Variants in GALNTL6 observed in about 807,000 individuals in gnomAD.
GALNTL6 encodes polypeptide N-acetylgalactosaminyltransferase-like 6.
GALNTL6 carries 46 observed loss-of-function variants against 73.7 expected under a neutral mutation model. The observed-to-expected ratio is 0.62, with a 90% CI of 0.49 to 0.80. GALNTL6 has a LOEUF of 0.80. Ranked by LOEUF, GALNTL6 falls within the 30% of genes least tolerant of loss-of-function variation. The pLI is 0.00. For missense variants in GALNTL6, 604 were observed against 755.0 expected, an observed-to-expected ratio of 0.80 and a Z score of 2.34; for synonymous variants, 259 against 263.7, an observed-to-expected ratio of 0.98 and a Z score of 0.17.
At position 173,009,266 on chromosome 4, in the gene GALNTL6, G is replaced by T. The variant is rs751374219; in HGVS notation, c.1460G>T (p.Gly487Val). The T allele has an allele frequency of 1.2e-6, 2 of 1,613,630 alleles. No homozygotes were observed. Among genetic ancestry groups the T allele is most frequent in the Non-Finnish European group, 8.5e-7 (1 of 1,179,496 alleles). ...ELRLDICVKD[G>V]SERTWSHEQL... is the part of the protein sequence containing the mutation. ...AGGCTGGACATCTGTGTCAAGGATGGTTCTGAAAGAACATGGTCTCATGAA... is the reference window on the plus strand; with the variant it reads ...AGGCTGGACATCTGTGTCAAGGATGTTTCTGAAAGAACATGGTCTCATGAA... The change falls in exon 11 of 13, where the codon GGT becomes GTT. Residue 487 changes from glycine (G) to valine (V), a missense_variant. By Grantham distance (109) the Gly-to-Val change is moderately radical. Coordinates refer to ENST00000506823, the MANE Select transcript of GALNTL6 (RefSeq NM_001034845.3).
chr4:172,013,568 A>AT (rs1373975743), intron 2 of GALNTL6, among the ~76,000 whole-genome samples: 3 of 151,568 alleles, frequency 2.0e-5, no homozygotes, highest in East Asian at 1.9e-4. Context: ...TTTCTTTTTA[A>AT]TTTTTTGTGG....
In GALNTL6 at chr4:172,270,528, G is replaced by A. The variant is rs1302478915; in HGVS notation, c.247+40764G>A. Among the ~76,000 whole-genome samples, 4 of 152,114 alleles carry A rather than the reference G, an allele frequency of 2.6e-5. No individual in the cohort carries two copies. The East Asian group carries it at 7.7e-4, about 29-fold the overall frequency. On this transcript the variant is annotated intron_variant, in intron 3 of 12. Coordinates refer to ENST00000506823, the MANE Select transcript of GALNTL6 (RefSeq NM_001034845.3). ...ATGGCTACAGACTGTACCATACAGT[G>A]CATGCAGGCATGCACACAGCCCTCA...
intron 7 of GALNTL6, among the ~76,000 whole-genome samples, chr4:172,870,748 CA>C (rs1162990467): frequency 3.3e-5 from 5 of 152,120 alleles, no homozygotes; most frequent in African/African-American, 9.7e-5. Context: ...TTACTGATGA[CA>C]AATCTTTAAT....
chr4:172,203,359 T>A (rs551890180), intron 2 of GALNTL6, among the ~76,000 whole-genome samples: 3 of 152,342 alleles, frequency 2.0e-5, no homozygotes, highest in East Asian at 3.9e-4. Flanking sequence ...TTGTCAAATT[T>A]GGCAGCGGAA....
intron 2 of GALNTL6, among the ~76,000 whole-genome samples, chr4:171,967,116 A>C (rs412150): frequency 6.6e-6 from 1 of 152,346 alleles, no homozygotes; most frequent in East Asian, 1.9e-4. Context: ...TACCCACTTA[A>C]GTTTTCTCGT....
chr4:171,989,269 T>C (rs891571287), intron 2 of GALNTL6, among the ~76,000 whole-genome samples: 5 of 152,144 alleles, frequency 3.3e-5, no homozygotes, highest in South Asian at 2.1e-4. Context: ...AGGGGGCTTC[T>C]GAGGCGATCC....
chr4:172,000,617 G>T (rs919591014), intron 2 of GALNTL6, among the ~76,000 whole-genome samples: 1 of 152,166 alleles, frequency 6.6e-6, no homozygotes, highest in Non-Finnish European at 1.5e-5. Context: ...CAGGGTAAGA[G>T]AGAGGATATG....
intron 5 of GALNTL6, among the ~76,000 whole-genome samples, chr4:172,389,707 A>C (rs1041942436): frequency 6.6e-6 from 1 of 152,174 alleles, no homozygotes; most frequent in Admixed American, 6.5e-5. Context: ...AATCAATAAA[A>C]GAAAGTATGT....
chr4:172,178,132 G>A (rs1445925758), intron 2 of GALNTL6, among the ~76,000 whole-genome samples: 1 of 151,972 alleles, frequency 6.6e-6, no homozygotes, highest in African/African-American at 2.4e-5. Context: ...GTGGCATTTG[G>A]TTCCAAGCCT....
chr4:172,700,548 C>T (rs1733967762), intron 5 of GALNTL6, among the ~76,000 whole-genome samples: 1 of 152,176 alleles, frequency 6.6e-6, no homozygotes, highest in South Asian at 2.1e-4. Flanking sequence ...ACTCCCAGAG[C>T]TAGTGTGGTT....
At chr4:172,855,786 G>A (rs1262617992) in intron 7 of GALNTL6, among the ~76,000 whole-genome samples, 1 of 152,156 alleles carries the variant, frequency 6.6e-6, no homozygotes, top group Non-Finnish European at 1.5e-5. Context: ...CGAGGCCACG[G>A]GCTCCTGTTG....
chr4:172,754,579 A>T (rs1281795853), intron 5 of GALNTL6, among the ~76,000 whole-genome samples: 3 of 152,160 alleles, frequency 2.0e-5, no homozygotes, highest in African/African-American at 7.2e-5. Flanking sequence ...TCTCGAAAAT[A>T]AATTAAAAAA....
chr4:172,425,180 G>A (rs542496608), intron 5 of GALNTL6: 1 of 152,168 alleles, frequency 6.6e-6, no homozygotes, highest in South Asian at 2.1e-4. Flanking sequence ...AATAATATAT[G>A]TGAACAATGC....
Position 171,939,846 on chromosome 4 carries a change from A to T in GALNTL6, c.138+125128A>T, listed in dbSNP as rs555712506. Among the ~76,000 whole-genome samples the T allele has an allele frequency of 9.9e-5, 15 of 152,260 alleles. No homozygotes were observed. In the East Asian group the frequency reaches 2.9e-3, roughly 29 times the overall value. On this transcript the variant is annotated intron_variant, in intron 2 of 12. Transcript: ENST00000506823. ...CTAAGAACCTAAAAATCTAAATGGG[A>T]TACAAGTTTACATGCCTGAAACAAT...
In GALNTL6 at chr4:172,133,771, A is replaced by G. The variant is rs34548443; in HGVS notation, c.139-95885A>G. On this transcript the variant is annotated intron_variant, in intron 2 of 12. Transcript: ENST00000506823. The stretch of plus-strand genomic sequence containing the variant: ...TATGTTCAAAGCTGCAGAAGCATGG[A>G]AAGGCATGGCATATAATAAAAGCTA... 2.6e-3 allele frequency among the ~76,000 whole-genome samples: 396 copies of G among 152,338 alleles called. 2 individuals carry two copies. The highest frequency in any genetic ancestry group is 8.5e-3 in the African/African-American group (355 of 41,580).
chr4:172,161,026 A>C (rs1049763548), intron 2 of GALNTL6, among the ~76,000 whole-genome samples: 2 of 151,994 alleles, frequency 1.3e-5, no homozygotes, highest in Non-Finnish European at 2.9e-5. Flanking sequence ...CAGGTGAAAG[A>C]TGTAATAATC....
intron 5 of GALNTL6, among the ~76,000 whole-genome samples, chr4:172,411,467 T>A (rs574079801): frequency 1.3e-5 from 2 of 152,152 alleles, no homozygotes; most frequent in South Asian, 2.1e-4. Context: ...TTATTTGTCC[T>A]TGAGTAATGA....
At chr4:172,914,025 C>T (rs1010781108) in intron 8 of GALNTL6, among the ~76,000 whole-genome samples, 2 of 152,178 alleles carry the variant, frequency 1.3e-5, no homozygotes, top group Non-Finnish European at 2.9e-5. Context: ...GGAAGCCCAT[C>T]AGACTAACAG....
chr4:172,233,884 G>T (rs1737156684), intron 3 of GALNTL6, among the ~76,000 whole-genome samples: 1 of 151,920 alleles, frequency 6.6e-6, no homozygotes. Flanking sequence ...TTCCAATATA[G>T]AATAATCTAT....
Sources: allele counts gnomAD v4.1 joint callset (sites outside exome capture counted in the v4.1 genomes callset), GRCh38; gene constraint gnomAD v4.1.1; transcripts MANE v1.5; gene names NCBI Gene and HGNC (gene_info 2026-07-23, HGNC 2026-07-21).